Variants in EPHB2 observed in about 807,000 individuals in gnomAD.
EPHB2 encodes the protein ephrin type-B receptor 2.
Under a neutral mutation model 96.4 loss-of-function variants are expected in EPHB2, and 18 were observed. The observed-to-expected ratio is 0.19, with a 90% CI of 0.13 to 0.28. The LOEUF is 0.28. Among genes scored for constraint, EPHB2 ranks in the 10% least tolerant of loss-of-function variants. EPHB2 has a pLI of 1.00. For synonymous variants in EPHB2, 506 were observed against 534.1 expected (o/e 0.95, Z 0.72); for missense variants, 989 against 1,355.4 (o/e 0.73, Z 4.25).
intron 1 of EPHB2, among the ~76,000 whole-genome samples, chr1:22,754,846 T>C (rs960486317): frequency 6.3e-5 from 3 of 47,908 alleles, no homozygotes; most frequent in Non-Finnish European, 1.4e-4. Context: ...GGAGGGGAGG[T>C]GAGGGACAGG....
At chr1:22,778,877 G>A (rs1363981061) in intron 1 of EPHB2, among the ~76,000 whole-genome samples, 1 of 152,210 alleles carries the variant, frequency 6.6e-6, no homozygotes, top group Admixed American at 6.5e-5. Flanking sequence ...GTTTCCACCC[G>A]TACGATGAGG....
chr1:22,857,697 T>C (rs995430085), intron 3 of EPHB2, among the ~76,000 whole-genome samples: 25 of 152,136 alleles, frequency 1.6e-4, no homozygotes, highest in African/African-American at 5.8e-4. Flanking sequence ...GATGATGGGC[T>C]GGCAAGATCG....
At chr1:22,749,307 AC>A (rs1344140575) in intron 1 of EPHB2, among the ~76,000 whole-genome samples, 1 of 152,132 alleles carries the variant, frequency 6.6e-6, no homozygotes, top group Non-Finnish European at 1.5e-5. Context: ...GGTGTGAGCC[AC>A]CACACCCAGC....
rs869229952 is a variant in EPHB2 at position 22,886,620 on chromosome 1, C to CTT, written c.1428+4159_1428+4160dup. On this transcript the variant is annotated intron_variant, in intron 6 of 15. Transcript: ENST00000374630. ...TGGAGATGGCAAATGCCAGCAGAGT[C>CTT]TTTTTTTTTTTTTTTTTTTTTTTGA... 3.2e-3 allele frequency among the ~76,000 whole-genome samples: 303 copies of CTT among 95,912 alleles called. 1 individual carries two copies. The highest frequency in any genetic ancestry group is 6.8e-3 in the Middle Eastern group (1 of 146). The allele number at this position is 95,912 out of a possible 152,430, so 62.9% of individuals were successfully genotyped here.
chr1:22,755,319 G>A (rs2148386280), intron 1 of EPHB2, among the ~76,000 whole-genome samples: 1 of 152,264 alleles, frequency 6.6e-6, no homozygotes, highest in South Asian at 2.1e-4. Flanking sequence ...CCGACCTGCT[G>A]TCCCTGAATC....
At chr1:22,832,022 A>T (rs1645311603) in intron 3 of EPHB2, among the ~76,000 whole-genome samples, 1 of 152,224 alleles carries the variant, frequency 6.6e-6, no homozygotes, top group African/African-American at 2.4e-5. Context: ...CAAATGGAGC[A>T]GCCAGTGGTG....
intron 1 of EPHB2, among the ~76,000 whole-genome samples, chr1:22,764,628 C>A (rs895821386): frequency 6.6e-6 from 1 of 152,064 alleles, no homozygotes; most frequent in East Asian, 1.9e-4. Flanking sequence ...CACCTATAAT[C>A]CCAGCTGTTC....
rs753901358 is a variant in EPHB2, at chr1:22,781,425, G to A, written c.66G>A (p.Thr22=). The A allele has an allele frequency of 1.4e-5, 22 of 1,613,744 alleles. No individual in the cohort carries two copies. Among genetic ancestry groups the A allele is most frequent in the South Asian group, 5.5e-5 (5 of 91,068 alleles). Residue 22 remains threonine (T), a synonymous_variant, in exon 2 of 16, where the codon ACG becomes ACA. Transcript: ENST00000374630. The part of the protein sequence containing the change: ...LLPLLAAVEE[T]LMDSTTATAE... Reference sequence around the variant, plus strand: ...GACTCTTTGCTCTCCCCACAGAAACGCTAATGGACTCCACTACAGCGACTG... The same window carrying A: ...GACTCTTTGCTCTCCCCACAGAAACACTAATGGACTCCACTACAGCGACTG...
intron 3 of EPHB2, among the ~76,000 whole-genome samples, chr1:22,795,914 A>C (rs1026988961): frequency 1.3e-5 from 2 of 150,644 alleles, no homozygotes; most frequent in Admixed American, 6.6e-5. Context: ...CCATCCACAC[A>C]CTCCTCTTCA....
chr1:22,743,240 C>T (rs1036103542), intron 1 of EPHB2, among the ~76,000 whole-genome samples: 22 of 152,042 alleles, frequency 1.4e-4, no homozygotes, highest in Admixed American at 1.3e-4. Context: ...TCATGCTCTC[C>T]GGAATGTATT....
intron 3 of EPHB2, among the ~76,000 whole-genome samples, chr1:22,857,775 T>C (rs957864788): frequency 5.3e-5 from 8 of 152,104 alleles, no homozygotes; most frequent in Non-Finnish European, 1.0e-4. Context: ...CCTTCTTATC[T>C]GATTGTGATG....
At chr1:22,908,674 C>T (rs1268340917) in intron 12 of EPHB2, among the ~76,000 whole-genome samples, 3 of 152,114 alleles carry the variant, frequency 2.0e-5, no homozygotes, top group Non-Finnish European at 4.4e-5. Flanking sequence ...GAGATGGGTG[C>T]AAGTAGGCAA....
At chr1:22,882,702 T>C (rs1038279079) in intron 6 of EPHB2, 4 of 567,032 alleles carry the variant, frequency 7.1e-6, no homozygotes, top group African/African-American at 5.7e-5. Flanking sequence ...ATCTCACTTT[T>C]CTGGTCTGGA....
intron 3 of EPHB2, among the ~76,000 whole-genome samples, chr1:22,801,195 C>G (rs182378706): frequency 6.6e-6 from 1 of 152,318 alleles, no homozygotes; most frequent in East Asian, 1.9e-4. Flanking sequence ...AGTGGTGAAG[C>G]CCCTGCCAAG....
At chr1:22,817,258 T>C (rs1645087992) in intron 3 of EPHB2, among the ~76,000 whole-genome samples, 1 of 152,180 alleles carries the variant, frequency 6.6e-6, no homozygotes, top group Non-Finnish European at 1.5e-5. Context: ...GACCATAAAC[T>C]CTTCTAAACT....
At chr1:22,716,115 C>T (rs929071545) in intron 1 of EPHB2, among the ~76,000 whole-genome samples, 1 of 152,220 alleles carries the variant, frequency 6.6e-6, no homozygotes, top group African/African-American at 2.4e-5. Flanking sequence ...CAGACTCAGA[C>T]TCCATCCCTG....
At chr1:22,912,288 T>C (rs1161623957) in intron 14 of EPHB2, among the ~76,000 whole-genome samples, 156 bp from the exon 15 acceptor site, 2 of 152,196 alleles carry the variant, frequency 1.3e-5, no homozygotes, top group Admixed American at 6.5e-5. Context: ...ATGCCCGCAA[T>C]CATGCAGAAA....
At position 22,753,550 on chromosome 1, in the gene EPHB2, G is replaced by T. The variant is rs576330963; in HGVS notation, c.62-27871G>T. 3.3e-5 allele frequency among the ~76,000 whole-genome samples: 5 copies of T among 152,192 alleles called. No individual in the cohort carries two copies. In the South Asian group the frequency reaches 1.0e-3, roughly 31 times the overall value. On this transcript the variant is annotated intron_variant, in intron 1 of 15. Coordinates refer to ENST00000374630, the MANE Select transcript of EPHB2 (RefSeq NM_017449.5). ...TGGTCAGGGAAGGCTCCCATGAGCC[G>T]AGTCGGAAGGGAAGGCAAGGGCTGG...
intron 3 of EPHB2, among the ~76,000 whole-genome samples, chr1:22,839,461 G>A (rs745371699): frequency 6.6e-6 from 1 of 152,204 alleles, no homozygotes; most frequent in African/African-American, 2.4e-5. Context: ...GAGGCTCAAA[G>A]TCTGGGGGAG....
Sources: gnomAD v4.1 joint callset for allele counts (sites outside exome capture counted in the v4.1 genomes callset) on GRCh38, gnomAD v4.1.1 for gene constraint, MANE v1.5 for transcripts, NCBI Gene and HGNC (gene_info 2026-07-23, HGNC 2026-07-21) for gene names.